Variants in BMP6 observed in about 807,000 individuals in gnomAD.
BMP6 encodes bone morphogenetic protein 6.
BMP6 carries 17 observed loss-of-function variants against 54.1 expected under a neutral mutation model. The observed-to-expected ratio is 0.31, with a 90% confidence interval of 0.22 to 0.47. The LOEUF (loss-of-function observed/expected upper bound fraction) is 0.47, where lower values mean the gene tolerates loss of function less well. BMP6 is among the 20% of genes least tolerant of loss of function. BMP6 has a pLI of 1.00. For missense variants in BMP6, 720 were observed against 690.4 expected (o/e 1.04, Z -0.48); for synonymous variants, 328 against 291.2 (o/e 1.13, Z -1.28).
chr6:7,778,982 G>A (rs923659330), intron 1 of BMP6, among the ~76,000 whole-genome samples: 2 of 152,212 alleles, frequency 1.3e-5, no homozygotes, highest in Admixed American at 1.3e-4. Context: ...TTTTCACCAA[G>A]CTCACAGTCC....
In BMP6 at chr6:7,727,090, G is replaced by T. The variant is rs1761740579; in HGVS notation, c.135G>T (p.Gly45=). 1.3e-5 allele frequency: 17 copies of T among 1,329,214 alleles called. No homozygotes were observed. The highest frequency in any genetic ancestry group is 1.4e-5 in the Non-Finnish European group (15 of 1,038,878). The allele number at this position is 1,329,214 out of a possible 1,614,324, so 82.3% of individuals were successfully genotyped here. A position where few individuals can be genotyped will look rare whatever the true frequency, so the allele number is the denominator to read the frequency against. The change falls in exon 1 of 7, where the codon GGG becomes GGT. Residue 45 remains glycine (G), a synonymous_variant. Transcript: ENST00000283147. ...CCGCCGCCGGGGGGCAGCTGCTGGG[G>T]GACGGCGGGAGCCCCGGCCGCACGG... is the stretch of plus-strand genomic sequence containing the variant. The part of the protein sequence containing the change: ...AAAAAGGQLL[G]DGGSPGRTEQ...
chr6:7,776,072 A>G (rs1561768356), intron 1 of BMP6, among the ~76,000 whole-genome samples: 1 of 152,218 alleles, frequency 6.6e-6, no homozygotes, highest in Non-Finnish European at 1.5e-5. Flanking sequence ...CTAAAACACT[A>G]GATGATGTTT....
At chr6:7,854,776 C>T (rs1759199790) in intron 2 of BMP6, among the ~76,000 whole-genome samples, 1 of 152,180 alleles carries the variant, frequency 6.6e-6, no homozygotes, top group Non-Finnish European at 1.5e-5. Flanking sequence ...GGTGACAGAG[C>T]AAGACTCTCT....
intron 1 of BMP6, among the ~76,000 whole-genome samples, chr6:7,744,940 G>A (rs985212302): frequency 3.9e-5 from 6 of 152,154 alleles, no homozygotes; most frequent in African/African-American, 1.4e-4. Context: ...GCTGTTTCCC[G>A]CCTCCAGTAT....
rs1759702137 is a variant in BMP6, at chr6:7,880,593, C to T, written c.*250C>T. On this transcript the variant is annotated 3_prime_UTR_variant, in exon 7 of 7. Coordinates refer to ENST00000283147, the MANE Select transcript of BMP6 (RefSeq NM_001718.6). ...TCTGTAGCATAAGGTCTGGTAACTG[C>T]AGAAACATAACCGTGAAGCTCTTCC... 5.7e-6 allele frequency: 3 copies of T among 524,836 alleles called. No homozygotes were observed. In the South Asian group the frequency reaches 7.9e-5, roughly 14 times the overall value. 32.5% of individuals were successfully genotyped at this position (524,836 alleles called of 1,614,324 possible).
chr6:7,870,580 C>G (rs528941409), intron 4 of BMP6, among the ~76,000 whole-genome samples: 4 of 152,102 alleles, frequency 2.6e-5, no homozygotes, highest in African/African-American at 7.2e-5. Context: ...GCTGAAGAAC[C>G]TTCCTTAGGG....
At chr6:7,768,346 C>T (rs568255235) in intron 1 of BMP6, among the ~76,000 whole-genome samples, 8 of 152,220 alleles carry the variant, frequency 5.3e-5, no homozygotes, top group South Asian at 2.1e-4. Flanking sequence ...GTCTTGTCCA[C>T]GCTGAGCCTC....
intron 4 of BMP6, among the ~76,000 whole-genome samples, chr6:7,866,942 C>A (rs1759433194): frequency 6.6e-6 from 1 of 152,246 alleles, no homozygotes; most frequent in African/African-American, 2.4e-5. Flanking sequence ...GCCATCTCAG[C>A]TCACTGCAAC....
chr6:7,846,221 G>A lies in BMP6; in HGVS notation c.857+889G>A, dbSNP rs116807885. 2.5e-3 allele frequency among the ~76,000 whole-genome samples: 381 copies of A among 152,210 alleles called. 3 individuals carry two copies. The highest frequency in any genetic ancestry group is 8.6e-3 in the African/African-American group (357 of 41,536). ...TAAAAATGAAGGGAAGTGAACATAT[G>A]GGGGAGGGAACTCCATGCTTCCAGA... is the stretch of plus-strand genomic sequence containing the variant. On this transcript the variant is annotated intron_variant, in intron 2 of 6. Coordinates refer to ENST00000283147, the MANE Select transcript of BMP6 (RefSeq NM_001718.6).
At chr6:7,738,470 C>A (rs757460896) in intron 1 of BMP6, among the ~76,000 whole-genome samples, 2 of 152,178 alleles carry the variant, frequency 1.3e-5, no homozygotes, top group Non-Finnish European at 2.9e-5. Flanking sequence ...ACGTGGCTTC[C>A]TGCAGTTGCC....
intron 1 of BMP6, among the ~76,000 whole-genome samples, chr6:7,760,592 C>T (rs918203597): frequency 6.6e-6 from 1 of 152,120 alleles, no homozygotes; most frequent in African/African-American, 2.4e-5. Flanking sequence ...CTCAGCCTCC[C>T]AAGTAGCTGG....
intron 1 of BMP6, among the ~76,000 whole-genome samples, chr6:7,728,968 G>A (rs971284394): frequency 6.6e-6 from 1 of 152,226 alleles, no homozygotes; most frequent in Non-Finnish European, 1.5e-5. Context: ...AGAGCCAAGG[G>A]AGGGTGTGGA....
chr6:7,740,074 G>T (rs1215180461), intron 1 of BMP6, among the ~76,000 whole-genome samples: 1 of 152,202 alleles, frequency 6.6e-6, no homozygotes, highest in African/African-American at 2.4e-5. Context: ...TGGGCATAGG[G>T]AGGAGGTCAC....
At chr6:7,771,476 G>C (rs1757785466) in intron 1 of BMP6, among the ~76,000 whole-genome samples, 1 of 152,170 alleles carries the variant, frequency 6.6e-6, no homozygotes, top group Non-Finnish European at 1.5e-5. Flanking sequence ...CCCACATAAG[G>C]TAATTGCTGT....
intron 1 of BMP6, among the ~76,000 whole-genome samples, chr6:7,730,483 A>T (rs989479171): frequency 2.6e-5 from 4 of 152,188 alleles, no homozygotes; most frequent in Non-Finnish European, 4.4e-5. Flanking sequence ...CTGTAGGTCC[A>T]CTTCTGGACT....
At chr6:7,827,343 T>G (rs187281444) in intron 1 of BMP6, among the ~76,000 whole-genome samples, 52 of 152,326 alleles carry the variant, frequency 3.4e-4, no homozygotes, top group African/African-American at 1.2e-3. Context: ...CTCTCTCCAT[T>G]GTGTTCTCAG....
At chr6:7,819,423 G>T (rs535818824) in intron 1 of BMP6, among the ~76,000 whole-genome samples, 1 of 152,158 alleles carries the variant, frequency 6.6e-6, no homozygotes, top group South Asian at 2.1e-4. Context: ...AATGTTTTAG[G>T]GATTGCATGG....
chr6:7,761,678 C>T (rs1035616157), intron 1 of BMP6, among the ~76,000 whole-genome samples: 2 of 152,156 alleles, frequency 1.3e-5, no homozygotes, highest in African/African-American at 4.8e-5. Context: ...CTGCTCTTGG[C>T]CAACCTTCAA....
At chr6:7,863,061 C>T (rs577757926) in intron 4 of BMP6, among the ~76,000 whole-genome samples, 3 of 152,188 alleles carry the variant, frequency 2.0e-5, no homozygotes, top group East Asian at 3.9e-4. Context: ...TGCAGTGGCA[C>T]GGTCTCGGCT....
Sources: gnomAD v4.1 joint callset for allele counts (sites outside exome capture counted in the v4.1 genomes callset) on GRCh38, gnomAD v4.1.1 for gene constraint, MANE v1.5 for transcripts, NCBI Gene and HGNC (gene_info 2026-07-23, HGNC 2026-07-21) for gene names.